Variants in TSHR observed in about 807,000 individuals in gnomAD.
The protein encoded by TSHR is thyrotropin receptor.
Under a neutral mutation model 64.1 loss-of-function variants are expected in TSHR, and 51 were observed. The ratio of observed to expected loss-of-function variants is 0.80; its 90% CI spans 0.64 to 1.01. The LOEUF (loss-of-function observed/expected upper bound fraction) is 1.01. Among genes scored for constraint, TSHR ranks in the 50% least tolerant of loss-of-function variants. TSHR has a pLI of 0.00. For synonymous variants in TSHR, 361 were observed against 361.9 expected (o/e 1.00, Z 0.03); for missense variants, 877 against 942.8 (o/e 0.93, Z 0.91).
rs77404423 is a variant in TSHR at position 81,042,538 on chromosome 14, G to T, written c.171-19610G>T. Among the ~76,000 whole-genome samples, 93 of 152,174 alleles carry T rather than the reference G, an allele frequency of 6.1e-4. 1 individual carries two copies. Among genetic ancestry groups the T allele is most frequent in the South Asian group, 1.0e-3 (5 of 4,820 alleles). The stretch of plus-strand genomic sequence containing the variant: ...TGTTAAGTGAAATAAGACAGAAAGA[G>T]AAAAACAAATACTGTATGATCTTAC... On this transcript the variant is annotated intron_variant, in intron 1 of 9. Coordinates refer to ENST00000298171, the MANE Select transcript of TSHR (RefSeq NM_000369.5).
intron 7 of TSHR, among the ~76,000 whole-genome samples, chr14:81,107,654 G>T (rs1312329761): frequency 1.3e-5 from 2 of 151,970 alleles, no homozygotes; most frequent in African/African-American, 2.4e-5. Flanking sequence ...TCCATGGAAG[G>T]TTGATGAGAT....
chr14:81,073,017 A>AAAAAAAAAATATAT (rs1555376957), intron 3 of TSHR, among the ~76,000 whole-genome samples: 3 of 91,216 alleles, frequency 3.3e-5, no homozygotes, highest in South Asian at 4.0e-4. Context: ...AAAAATAAAA[A>AAAAAAAAAATATAT]ATAAATATAT....
intron 1 of TSHR, among the ~76,000 whole-genome samples, chr14:80,991,120 T>C (rs1888704318): frequency 6.6e-6 from 1 of 152,224 alleles, no homozygotes; most frequent in Admixed American, 6.5e-5. Flanking sequence ...TCTCATATGA[T>C]GTTATGATTC....
At chr14:81,043,832 G>A (rs1885037613) in intron 1 of TSHR, among the ~76,000 whole-genome samples, 2 of 152,276 alleles carry the variant, frequency 1.3e-5, no homozygotes, top group Admixed American at 1.3e-4. Flanking sequence ...ACAAGCAATG[G>A]GGAAATGATT....
intron 1 of TSHR, among the ~76,000 whole-genome samples, chr14:81,035,647 C>T (rs1199825444): frequency 6.6e-6 from 1 of 152,026 alleles, no homozygotes; most frequent in African/African-American, 2.4e-5. Context: ...TTGTTTATTC[C>T]CTACCACATC....
intron 1 of TSHR, among the ~76,000 whole-genome samples, chr14:81,030,728 T>C (rs1029531470): frequency 1.3e-5 from 2 of 152,212 alleles, no homozygotes; most frequent in Non-Finnish European, 2.9e-5. Flanking sequence ...CTTAGTCTTT[T>C]TCATTCAAAC....
intron 1 of TSHR, among the ~76,000 whole-genome samples, chr14:80,970,295 T>C (rs1234583990): frequency 1.3e-5 from 2 of 152,228 alleles, no homozygotes; most frequent in African/African-American, 4.8e-5. Flanking sequence ...ATTTCTATCA[T>C]AAAATCAATT....
At chr14:80,970,650 T>A (rs1887545263) in intron 1 of TSHR, among the ~76,000 whole-genome samples, 1 of 152,220 alleles carries the variant, frequency 6.6e-6, no homozygotes, top group African/African-American at 2.4e-5. Context: ...TCAGCCTGAA[T>A]CTGTTATAGA....
At chr14:81,107,678 C>T (rs1889982082) in intron 7 of TSHR, among the ~76,000 whole-genome samples, 1 of 152,140 alleles carries the variant, frequency 6.6e-6, no homozygotes, top group Admixed American at 6.5e-5. Context: ...TCTGTAATCT[C>T]ATCTGGCTAA....
intron 1 of TSHR, among the ~76,000 whole-genome samples, chr14:81,002,413 C>A (rs1889368896): frequency 6.6e-6 from 1 of 152,122 alleles, no homozygotes; most frequent in Non-Finnish European, 1.5e-5. Flanking sequence ...TCAGTTTCCC[C>A]ATTTGTAAAA....
intron 8 of TSHR, among the ~76,000 whole-genome samples, chr14:81,135,254 A>G (rs1463348791): frequency 6.6e-6 from 1 of 152,008 alleles, no homozygotes; most frequent in Non-Finnish European, 1.5e-5. Flanking sequence ...TCAGAAAGAG[A>G]CTCCCACTGG....
intron 1 of TSHR, among the ~76,000 whole-genome samples, chr14:80,998,083 A>G (rs1889117286): frequency 6.6e-6 from 1 of 152,246 alleles, no homozygotes; most frequent in African/African-American, 2.4e-5. Flanking sequence ...GTTAATAACA[A>G]GGATTAATGA....
intron 7 of TSHR, among the ~76,000 whole-genome samples, chr14:81,107,873 T>G (rs1431480720): frequency 6.6e-6 from 1 of 152,228 alleles, no homozygotes; most frequent in Admixed American, 6.5e-5. Flanking sequence ...ATCTTGTATT[T>G]TTATTTGCTA....
intron 1 of TSHR, among the ~76,000 whole-genome samples, chr14:81,005,197 T>TTGTG (rs71103894): frequency 0.031 from 4,619 of 149,720 alleles, 99 homozygotes; most frequent in Middle Eastern, 0.059. Context: ...ACTCAAGCCT[T>TTGTG]TGTGTGTGTG....
intron 1 of TSHR, among the ~76,000 whole-genome samples, chr14:80,974,926 G>C (rs993207078): frequency 6.6e-6 from 1 of 152,206 alleles, no homozygotes; most frequent in African/African-American, 2.4e-5. Flanking sequence ...CTATGTGAAA[G>C]GACTACTTAC....
chr14:81,099,885 A>G (rs1309311238), intron 7 of TSHR, among the ~76,000 whole-genome samples: 5 of 152,210 alleles, frequency 3.3e-5, no homozygotes, highest in Admixed American at 2.0e-4. Context: ...GTCTTCTTCA[A>G]TCAGGAAGTG....
At chr14:80,983,730 G>T in intron 1 of TSHR, 1 of 432,516 alleles carries the variant, frequency 2.3e-6, no homozygotes. Flanking sequence ...TGGTTATTAT[G>T]GTGTACAAGT....
At chr14:81,090,112 G>A (rs2139976562) in intron 4 of TSHR, among the ~76,000 whole-genome samples, 1 of 152,036 alleles carries the variant, frequency 6.6e-6, no homozygotes, top group South Asian at 2.1e-4. Flanking sequence ...ACTAAATCTG[G>A]GAGGCATCAG....
In TSHR at chr14:81,103,146, A is replaced by G. The variant is rs1889691044; in HGVS notation, c.615-5229A>G. ...ACTGGAGGAAGACAAGGATTGAGCT[A>G]TAGGTGAAGGAAAGAAAGGTCAAGG... On this transcript the variant is annotated intron_variant, in intron 7 of 9. Coordinates refer to ENST00000298171, the MANE Select transcript of TSHR (RefSeq NM_000369.5). This position sits in a 1 kb window ranked among gnomAD's most constrained non-coding sequence, Gnocchi z 4.1. 2 of 985,436 alleles carry G rather than the reference A, an allele frequency of 2.0e-6. No homozygotes were observed. The highest frequency in any genetic ancestry group is 1.2e-6 in the Non-Finnish European group (1 of 829,922). The allele number at this position is 985,436 out of a possible 1,614,324, so 61.0% of individuals were successfully genotyped here.
Sources: allele counts gnomAD v4.1 joint callset (sites outside exome capture counted in the v4.1 genomes callset), GRCh38; gene constraint gnomAD v4.1.1; non-coding constraint Gnocchi (gnomAD v3.1); transcripts MANE v1.5; gene names NCBI Gene and HGNC (gene_info 2026-07-23, HGNC 2026-07-21).